Variants in ADARB2 observed in about 807,000 individuals in gnomAD.
ADARB2 encodes inactive double-stranded RNA-specific editase B2.
In ADARB2, 25 loss-of-function variants were observed where a neutral mutation model predicts 62.2. The ratio of observed to expected loss-of-function variants is 0.40; its 90% CI spans 0.29 to 0.56. ADARB2 has a LOEUF of 0.56. Ranked by LOEUF, ADARB2 falls within the 20% of genes least tolerant of loss-of-function variation. The pLI, the probability that ADARB2 is intolerant of heterozygous loss-of-function variation, is 0.43. For missense variants in ADARB2, 1,071 were observed against 1,077.4 expected (o/e 0.99, Z 0.08); for synonymous variants, 572 against 500.8 (o/e 1.14, Z -1.90).
At chr10:1,296,907 G>A (rs145122591) in intron 3 of ADARB2, among the ~76,000 whole-genome samples, 2 of 152,256 alleles carry the variant, frequency 1.3e-5, no homozygotes, top group Non-Finnish European at 2.9e-5. Flanking sequence ...TAAGATGCTC[G>A]GTGCTGTCCT....
At chr10:1,232,764 G>A (rs1156392196) in intron 6 of ADARB2, among the ~76,000 whole-genome samples, 4 of 151,774 alleles carry the variant, frequency 2.6e-5, no homozygotes, top group African/African-American at 9.7e-5. Flanking sequence ...TATGTGGTGT[G>A]TGTGGTATAT....
intron 2 of ADARB2, 78 bp from the exon 3 acceptor site, chr10:1,363,995 G>A (rs745829280): frequency 6.5e-6 from 9 of 1,390,982 alleles, no homozygotes; most frequent in Non-Finnish European, 8.3e-6. Context: ...CTCCCTGAGG[G>A]TCCCCGTCCC....
chr10:1,283,401 A>G (rs1018490726), intron 3 of ADARB2, among the ~76,000 whole-genome samples: 3 of 152,198 alleles, frequency 2.0e-5, no homozygotes, highest in African/African-American at 4.8e-5. Flanking sequence ...AATGATCTCT[A>G]TATTTGTTAA....
intron 7 of ADARB2, among the ~76,000 whole-genome samples, chr10:1,209,335 C>T (rs1837111628): frequency 6.6e-6 from 1 of 151,458 alleles, no homozygotes; most frequent in Non-Finnish European, 1.5e-5. Flanking sequence ...ACGCCATCAC[C>T]CACACCCATG....
chr10:1,697,779 G>A (rs1834765814), intron 1 of ADARB2, among the ~76,000 whole-genome samples: 2 of 152,152 alleles, frequency 1.3e-5, no homozygotes, highest in South Asian at 4.1e-4. Context: ...GTGTATTGAA[G>A]CCCTGATGGA....
At position 1,451,610 on chromosome 10, in the gene ADARB2, A is replaced by C. The variant is rs568175035; in HGVS notation, c.101-72450T>G. ...TGAGGAGGGGCTCACCTGTATAAGG[A>C]GGGGACACACCTTCCTGAGAAGGGG... On this transcript the variant is annotated intron_variant, in intron 1 of 9. Coordinates refer to ENST00000381312, the MANE Select transcript of ADARB2 (RefSeq NM_018702.4). Among the ~76,000 whole-genome samples, 18 of 151,470 alleles carry C rather than the reference A, an allele frequency of 1.2e-4. No individual in the cohort carries two copies. The East Asian group carries it at 3.5e-3, about 29-fold the overall frequency.
chr10:1,289,655 C>T (rs766081722), intron 3 of ADARB2, among the ~76,000 whole-genome samples: 5 of 152,268 alleles, frequency 3.3e-5, no homozygotes, highest in South Asian at 2.1e-4. Flanking sequence ...TCACTGGCTC[C>T]GTGGCCAGGA....
At chr10:1,552,351 C>T (rs1302081400) in intron 1 of ADARB2, among the ~76,000 whole-genome samples, 2 of 152,104 alleles carry the variant, frequency 1.3e-5, no homozygotes, top group Non-Finnish European at 2.9e-5. Context: ...GCATTAGGGG[C>T]ATGAAATGCC....
chr10:1,434,221 C>A (rs1830808254), intron 1 of ADARB2, among the ~76,000 whole-genome samples: 1 of 152,130 alleles, frequency 6.6e-6, no homozygotes, highest in South Asian at 2.1e-4. Context: ...TTTAAAATAA[C>A]ACGAAGAGGT....
Position 1,509,439 on chromosome 10 carries a change from C to G in ADARB2, c.101-130279G>C, listed in dbSNP as rs1316067023. ...CCTCGGGGGTTCGTCAGGCACAAAT[C>G]CTTCAAAGAATTTGTACAGGATATT... On this transcript the variant is annotated intron_variant, in intron 1 of 9. Coordinates refer to ENST00000381312, the MANE Select transcript of ADARB2 (RefSeq NM_018702.4). 3.3e-5 allele frequency among the ~76,000 whole-genome samples: 5 copies of G among 152,180 alleles called. No homozygotes were observed. In the East Asian group the frequency reaches 9.6e-4, roughly 29 times the overall value.
intron 1 of ADARB2, among the ~76,000 whole-genome samples, chr10:1,517,989 C>T (rs184935726): frequency 6.6e-6 from 1 of 152,306 alleles, no homozygotes; most frequent in East Asian, 1.9e-4. Flanking sequence ...GCAAAATTCA[C>T]ATCCCTATCA....
intron 1 of ADARB2, among the ~76,000 whole-genome samples, chr10:1,439,296 C>T (rs1338287904): frequency 7.6e-6 from 1 of 131,418 alleles, no homozygotes; most frequent in African/African-American, 3.2e-5. Flanking sequence ...AGGTCCTTCA[C>T]TATGGGGCTT....
chr10:1,373,687 C>T (rs1428669531), intron 2 of ADARB2, among the ~76,000 whole-genome samples: 2 of 152,206 alleles, frequency 1.3e-5, no homozygotes, highest in Non-Finnish European at 2.9e-5. Flanking sequence ...CAGCACAGCT[C>T]CCCTGCCCTC....
At chr10:1,402,942 C>A (rs894391092) in intron 1 of ADARB2, among the ~76,000 whole-genome samples, 1 of 152,228 alleles carries the variant, frequency 6.6e-6, no homozygotes, top group Non-Finnish European at 1.5e-5. Flanking sequence ...TGCCCCACGC[C>A]CAGATGCCAC....
intron 3 of ADARB2, among the ~76,000 whole-genome samples, chr10:1,359,118 C>T (rs1832225184): frequency 6.6e-6 from 1 of 152,158 alleles, no homozygotes. Context: ...TATCCTGACA[C>T]AGTCTTGTTC....
intron 3 of ADARB2, among the ~76,000 whole-genome samples, chr10:1,281,838 T>A (rs1384287027): frequency 6.6e-6 from 1 of 152,226 alleles, no homozygotes; most frequent in African/African-American, 2.4e-5. Flanking sequence ...ACATTTTAAA[T>A]TGAGGGGCGC....
chr10:1,701,753 CCA>C (rs1834823001), intron 1 of ADARB2, among the ~76,000 whole-genome samples: 13 of 41,380 alleles, frequency 3.1e-4, no homozygotes, highest in Admixed American at 2.6e-3. Context: ...CACCGGGAGA[CCA>C]GGCGCTAGTC....
At chr10:1,253,938 G>C (rs1290486667) in intron 4 of ADARB2, among the ~76,000 whole-genome samples, 2 of 151,852 alleles carry the variant, frequency 1.3e-5, no homozygotes, top group African/African-American at 4.8e-5. Context: ...AGATGCGATG[G>C]GCTCTGGGTT....
intron 1 of ADARB2, among the ~76,000 whole-genome samples, chr10:1,422,654 T>C (rs1832861278): frequency 6.6e-6 from 1 of 152,158 alleles, no homozygotes; most frequent in South Asian, 2.1e-4. Flanking sequence ...CTGTGCAAAA[T>C]TGACACAGTG....
Sources: allele counts gnomAD v4.1 joint callset (sites outside exome capture counted in the v4.1 genomes callset), GRCh38; gene constraint gnomAD v4.1.1; transcripts MANE v1.5; gene names NCBI Gene and HGNC (gene_info 2026-07-23, HGNC 2026-07-21).